TRIB2: variants seen among roughly 807,000 people sequenced by gnomAD.
TRIB2 encodes the protein tribbles pseudokinase 2, also known as tribbles homolog 2.
TRIB2 carries 2 observed loss-of-function variants against 26.8 expected under a neutral mutation model. The ratio of observed to expected loss-of-function variants is 0.07; its 90% CI spans 0.03 to 0.24. TRIB2 has a LOEUF of 0.24. TRIB2 is among the 10% of genes least tolerant of loss of function. The pLI is 1.00. For missense variants in TRIB2, 306 were observed against 449.0 expected, an observed-to-expected ratio of 0.68 and a Z score of 2.88; for synonymous variants, 189 against 187.3, an observed-to-expected ratio of 1.01 and a Z score of -0.08.
At chr2:12,720,872 A>G (rs780431727) in intron 1 of TRIB2, among the ~76,000 whole-genome samples, 1 of 152,182 alleles carries the variant, frequency 6.6e-6, no homozygotes, top group South Asian at 2.1e-4. Context: ...GTTTTCATGG[A>G]GATACTGGTA....
At chr2:12,737,068 G>A (rs566644626) in intron 2 of TRIB2, among the ~76,000 whole-genome samples, 11 of 152,258 alleles carry the variant, frequency 7.2e-5, no homozygotes, top group African/African-American at 2.6e-4. Flanking sequence ...TGGAGAGAGA[G>A]GGAGTGTGGC....
In TRIB2 at chr2:12,723,671, T is replaced by A. The variant is rs116599983; in HGVS notation, c.563+119T>A. 1.1e-3 allele frequency: 1,294 copies of A among 1,184,132 alleles called. 8 individuals are homozygous for A. The African/African-American group carries it at 0.018, about 16-fold the overall frequency. 73.4% of individuals were successfully genotyped at this position (1,184,132 alleles called of 1,614,324 possible). On this transcript the variant is annotated intron_variant, in intron 2 of 2. Coordinates refer to ENST00000155926, the MANE Select transcript of TRIB2 (RefSeq NM_021643.4). ...CTGTGGTCCAGATGAGGGGAAGGAATCTTAGGAGGGCAAAAGGAAGTGAAT... is the reference window on the plus strand; with the variant it reads ...CTGTGGTCCAGATGAGGGGAAGGAAACTTAGGAGGGCAAAAGGAAGTGAAT...
chr2:12,733,338 G>A (rs1661497221), intron 2 of TRIB2, among the ~76,000 whole-genome samples: 1 of 152,150 alleles, frequency 6.6e-6, no homozygotes, highest in Non-Finnish European at 1.5e-5. Context: ...CACCAGATTT[G>A]CCTCCATCAT....
At chr2:12,737,732 A>G (rs1267294188) in intron 2 of TRIB2, among the ~76,000 whole-genome samples, 4 of 152,228 alleles carry the variant, frequency 2.6e-5, no homozygotes, top group Non-Finnish European at 4.4e-5. Flanking sequence ...AAACTGGCAG[A>G]GACTTTAAGA....
intron 2 of TRIB2, chr2:12,724,581 G>A: frequency 1.3e-6 from 2 of 1,570,112 alleles, no homozygotes; most frequent in Non-Finnish European, 1.7e-6. Context: ...GGCAGCTGTT[G>A]GAAGATTTAG....
intron 1 of TRIB2, among the ~76,000 whole-genome samples, chr2:12,721,000 A>G (rs975835447): frequency 1.8e-4 from 28 of 152,294 alleles, no homozygotes; most frequent in African/African-American, 6.7e-4. Context: ...TTACATAACC[A>G]AGGCTCCAAA....
Position 12,729,232 on chromosome 2 carries a change from G to A in TRIB2, c.563+5680G>A, listed in dbSNP as rs568600261. 2.7e-4 allele frequency among the ~76,000 whole-genome samples: 41 copies of A among 152,246 alleles called. 1 individual carries two copies. Among genetic ancestry groups the A allele is most frequent in the African/African-American group, 4.8e-4 (20 of 41,542 alleles). ...ATCTCCTGCTGTATTCTGATGGCCC[G>A]TGTGTGCATCTGTAGACTGTCCTTG... On this transcript the variant is annotated intron_variant, in intron 2 of 2. Transcript: ENST00000155926.
rs568531755 is a variant in TRIB2 at position 12,725,135 on chromosome 2, T to C, written c.563+1583T>C. On this transcript the variant is annotated intron_variant, in intron 2 of 2. Transcript: ENST00000155926. ...GTAAGTCAGCTCTCAAGAAATTCAT[T>C]TGTCTGCCAGAGGGCATGGGGACAG... is the stretch of plus-strand genomic sequence containing the variant. 4.6e-5 allele frequency among the ~76,000 whole-genome samples: 7 copies of C among 152,300 alleles called. No individual in the cohort carries two copies. In the East Asian group the frequency reaches 7.7e-4, roughly 17 times the overall value.
intron 1 of TRIB2, among the ~76,000 whole-genome samples, chr2:12,720,240 C>T (rs777797815): frequency 1.3e-5 from 2 of 152,218 alleles, no homozygotes; most frequent in Non-Finnish European, 2.9e-5. Context: ...TCACTTTGGG[C>T]TGACCTTACA....
intron 1 of TRIB2, among the ~76,000 whole-genome samples, chr2:12,722,183 A>G (rs1661233693): frequency 1.3e-5 from 2 of 152,228 alleles, no homozygotes; most frequent in Admixed American, 1.3e-4. Context: ...ATGATGATGA[A>G]AGAAAGTATG....
intron 2 of TRIB2, among the ~76,000 whole-genome samples, chr2:12,728,508 A>G (rs1436613416): frequency 6.6e-6 from 1 of 152,208 alleles, no homozygotes; most frequent in Non-Finnish European, 1.5e-5. Flanking sequence ...GCTTCCTGCC[A>G]TCCCTCTGCC....
chr2:12,730,876 G>A (rs1032998325), intron 2 of TRIB2, among the ~76,000 whole-genome samples: 4 of 152,114 alleles, frequency 2.6e-5, no homozygotes, highest in African/African-American at 9.7e-5. Context: ...TCATGAAACC[G>A]AGTCCAGGCT....
intron 2 of TRIB2, among the ~76,000 whole-genome samples, chr2:12,729,718 TC>T (rs1478359391): frequency 1.3e-5 from 2 of 152,182 alleles, no homozygotes; most frequent in Non-Finnish European, 2.9e-5. Flanking sequence ...TAGGTATTCT[TC>T]AGCAGGATTT....
intron 2 of TRIB2, among the ~76,000 whole-genome samples, chr2:12,729,515 T>G (rs1219511287): frequency 1.3e-5 from 2 of 152,162 alleles, no homozygotes; most frequent in African/African-American, 4.8e-5. Context: ...ATTTCCAAAG[T>G]TTCCCATCAA....
Position 12,740,562 on chromosome 2 carries a change from G to T in TRIB2, c.800G>T (p.Arg267Leu). The T allele has an allele frequency of 6.2e-7, 1 of 1,614,178 alleles. No individual in the cohort carries two copies. Among genetic ancestry groups the T allele is most frequent in the East Asian group, 2.2e-5 (1 of 44,872 alleles). ...IEPSSLFSKI[R>L]RGQFNIPETL... ...CCCAGCTCCCTCTTCAGCAAGATCC[G>T]GCGTGGCCAGTTCAACATTCCAGAG... The change falls in exon 3 of 3, where the codon CGG (arginine) becomes CTG (leucine). Residue 267 changes from arginine (R) to leucine (L), a missense_variant. Arg to Leu is a moderately radical substitution (Grantham distance 102, BLOSUM62 -2). Around this residue, in one of 4 missense-constraint regions of TRIB2, gnomAD observed 78 missense variants for 104.9 expected, o/e 0.74. Coordinates refer to ENST00000155926, the MANE Select transcript of TRIB2 (RefSeq NM_021643.4). This position sits in a 1 kb window ranked among gnomAD's most constrained non-coding sequence, Gnocchi z 5.8.
intron 2 of TRIB2, among the ~76,000 whole-genome samples, chr2:12,738,383 C>T (rs1322464881): frequency 2.0e-5 from 3 of 152,132 alleles, no homozygotes; most frequent in Admixed American, 6.5e-5. Flanking sequence ...GATGCTTGCA[C>T]GTGCGCTTGC....
Position 12,740,332 on chromosome 2 carries a change from G to A in TRIB2, c.570G>A (p.Arg190=). 6.2e-7 allele frequency: 1 copy of A among 1,613,106 alleles called. No homozygotes were observed. The highest frequency in any genetic ancestry group is 1.1e-5 in the South Asian group (1 of 91,060). The change falls in exon 3 of 3, where the codon CGG becomes CGA. Residue 190 remains arginine, a synonymous_variant. Coordinates refer to ENST00000155926, the MANE Select transcript of TRIB2 (RefSeq NM_021643.4). The surrounding 1 kb of genome is among the most constrained non-coding windows in gnomAD (Gnocchi z 5.8). Reference sequence around the variant, plus strand: ...TTTTCCTCCTTTCTTGCAGGACTCGGGTCAAGCTGGAAAGCCTGGAAGACG... The same window carrying A: ...TTTTCCTCCTTTCTTGCAGGACTCGAGTCAAGCTGGAAAGCCTGGAAGACG... ...KFIFKDEERT[R]VKLESLEDAY... is the part of the protein sequence containing the mutation.
At chr2:12,724,941 T>C in intron 2 of TRIB2, 1 of 1,413,576 alleles carries the variant, frequency 7.1e-7, no homozygotes, top group African/African-American at 1.4e-5. Context: ...CCTACAAAAA[T>C]AAGAGGTCAT....
chr2:12,726,138 G>A (rs372054170), intron 2 of TRIB2, among the ~76,000 whole-genome samples: 5 of 152,226 alleles, frequency 3.3e-5, no homozygotes, highest in African/African-American at 1.2e-4. Context: ...CTCTGAGAAG[G>A]TCACCTCTGT....
Sources: gnomAD v4.1 joint callset for allele counts (sites outside exome capture counted in the v4.1 genomes callset) on GRCh38, gnomAD v4.1.1 for gene constraint, gnomAD v4.1.1 regional missense constraint, Gnocchi (gnomAD v3.1) non-coding constraint, MANE v1.5 for transcripts, NCBI Gene and HGNC (gene_info 2026-07-23, HGNC 2026-07-21) for gene names.